KCTD8: variants seen among roughly 807,000 people sequenced by gnomAD.
The protein encoded by KCTD8 is BTB/POZ domain-containing protein KCTD8.
A neutral mutation model predicts 31.5 loss-of-function variants in KCTD8; 27 were observed. The observed-to-expected ratio is 0.86, with a 90% confidence interval of 0.63 to 1.18. The LOEUF is 1.18. Among genes scored for constraint, KCTD8 ranks in the 50% most tolerant of loss-of-function variants. KCTD8 has a pLI of 0.00. For synonymous variants in KCTD8, 290 were observed against 280.0 expected (o/e 1.04, Z -0.36); for missense variants, 658 against 647.7 (o/e 1.02, Z -0.17).
At chr4:44,416,679 G>C (rs1211461656) in intron 1 of KCTD8, among the ~76,000 whole-genome samples, 2 of 152,064 alleles carry the variant, frequency 1.3e-5, no homozygotes, top group Non-Finnish European at 2.9e-5. Flanking sequence ...CACAACATTA[G>C]CTCCTCCTTC....
At chr4:44,343,910 G>A (rs555282592) in intron 1 of KCTD8, among the ~76,000 whole-genome samples, 9 of 152,164 alleles carry the variant, frequency 5.9e-5, no homozygotes, top group Admixed American at 2.0e-4. Context: ...CTAGGCTGGA[G>A]TGCAGTGGCC....
chr4:44,239,140 T>C (rs1258457387), intron 1 of KCTD8, among the ~76,000 whole-genome samples: 1 of 152,200 alleles, frequency 6.6e-6, no homozygotes, highest in Non-Finnish European at 1.5e-5. Flanking sequence ...ACATAAAATA[T>C]AATGTGGTCT....
rs1721980839 is a variant in KCTD8 at position 44,447,765 on chromosome 4, G to A, written c.759C>T (p.Asn253=). 3.1e-6 allele frequency: 5 copies of A among 1,611,534 alleles called. No homozygotes were observed. The highest frequency in any genetic ancestry group is 1.1e-5 in the South Asian group (1 of 90,516). Residue 253 remains asparagine, a synonymous_variant, in exon 1 of 2, where the codon AAC becomes AAT. Transcript: ENST00000360029. ...LAKEVFGDTL[N]ESRDPDRQPE... Reference sequence around the variant, plus strand: ...GCTGCCGGTCGGGGTCGCGGCTCTCGTTGAGCGTGTCCCCGAAGACCTCCT... The same window carrying A: ...GCTGCCGGTCGGGGTCGCGGCTCTCATTGAGCGTGTCCCCGAAGACCTCCT...
chr4:44,349,071 GCCACCACCA>G (rs200999276), intron 1 of KCTD8, among the ~76,000 whole-genome samples: 2 of 136,702 alleles, frequency 1.5e-5, no homozygotes, highest in South Asian at 2.3e-4. Context: ...CGCTGCCACC[GCCACCACCA>G]CCACCACCAC....
At position 44,182,063 on chromosome 4, in the gene KCTD8, C is replaced by A. The variant is rs539913198; in HGVS notation, c.962-6813G>T. ...GAGGAGCCCCTCTGCCTGGCAGCCA[C>A]CCCGTCTGAGAAGTGAGGAGCCCCT... On this transcript the variant is annotated intron_variant, in intron 1 of 1. Transcript: ENST00000360029. Among the ~76,000 whole-genome samples the A allele has an allele frequency of 5.2e-3, 792 of 152,146 alleles. 1 individual carries two copies. Among genetic ancestry groups the A allele is most frequent in the African/African-American group, 0.019 (778 of 41,540 alleles).
At chr4:44,196,857 G>A (rs954736463) in intron 1 of KCTD8, among the ~76,000 whole-genome samples, 1 of 152,182 alleles carries the variant, frequency 6.6e-6, no homozygotes, top group African/African-American at 2.4e-5. Flanking sequence ...GAATCCCACA[G>A]GTCTGGATCC....
chr4:44,195,776 G>A (rs1056138420), intron 1 of KCTD8, among the ~76,000 whole-genome samples: 1 of 152,132 alleles, frequency 6.6e-6, no homozygotes, highest in Non-Finnish European at 1.5e-5. Context: ...TATTACAACA[G>A]GGGAGGTAAG....
intron 1 of KCTD8, among the ~76,000 whole-genome samples, chr4:44,302,978 A>G (rs1480601864): frequency 2.6e-5 from 4 of 152,136 alleles, no homozygotes; most frequent in Admixed American, 2.6e-4. Flanking sequence ...TGAGATAATC[A>G]TGTGGTTTTT....
Position 44,448,699 on chromosome 4 carries a change from C to G in KCTD8, c.-176G>C, listed in dbSNP as rs1432309638. ...GGGCAGCGGCGGCGTCGGCGGCGCCCGAGCTCCATCGGAGGAGAGACGCGC... is the reference window on the plus strand; with the variant it reads ...GGGCAGCGGCGGCGTCGGCGGCGCCGGAGCTCCATCGGAGGAGAGACGCGC... On this transcript the variant is annotated 5_prime_UTR_variant, in exon 1 of 2. Coordinates refer to ENST00000360029, the MANE Select transcript of KCTD8 (RefSeq NM_198353.3). The surrounding 1 kb of genome is among the most constrained non-coding windows in gnomAD (Gnocchi z 4.1). The G allele has an allele frequency of 7.4e-6, 4 of 539,632 alleles. No homozygotes were observed. The East Asian group carries it at 1.4e-4, about 19-fold the overall frequency. The allele number at this position is 539,632 out of a possible 1,614,324, so 33.4% of individuals were successfully genotyped here. A position where few individuals can be genotyped will look rare whatever the true frequency, so the allele number is the denominator to read the frequency against.
At chr4:44,217,768 T>C (rs1714690971) in intron 1 of KCTD8, among the ~76,000 whole-genome samples, 1 of 152,030 alleles carries the variant, frequency 6.6e-6, no homozygotes, top group African/African-American at 2.4e-5. Flanking sequence ...CCCTTGGACA[T>C]GGGACTCCAG....
At chr4:44,347,673 GA>G (rs1264335008) in intron 1 of KCTD8, among the ~76,000 whole-genome samples, 2 of 152,046 alleles carry the variant, frequency 1.3e-5, no homozygotes, top group Non-Finnish European at 1.5e-5. Context: ...TAACTAATGA[GA>G]AAATTATATT....
chr4:44,349,316 G>A (rs1488587100), intron 1 of KCTD8, among the ~76,000 whole-genome samples: 1 of 152,142 alleles, frequency 6.6e-6, no homozygotes, highest in Non-Finnish European at 1.5e-5. Flanking sequence ...AATGTTTAAG[G>A]AAGGGAGTAT....
chr4:44,376,633 AG>A (rs1202097897), intron 1 of KCTD8, among the ~76,000 whole-genome samples: 1 of 152,332 alleles, frequency 6.6e-6, no homozygotes, highest in East Asian at 1.9e-4. Context: ...GCTATGTGCC[AG>A]GCAATGGGAA....
intron 1 of KCTD8, among the ~76,000 whole-genome samples, chr4:44,243,638 G>A (rs1183163527): frequency 6.6e-6 from 1 of 152,140 alleles, no homozygotes. Flanking sequence ...CATTTCATGG[G>A]ATGAAACAAA....
intron 1 of KCTD8, among the ~76,000 whole-genome samples, chr4:44,365,834 C>T (rs1381237352): frequency 1.3e-5 from 2 of 152,034 alleles, no homozygotes; most frequent in African/African-American, 2.4e-5. Context: ...ACATTCAAGT[C>T]TTGTATAATT....
chr4:44,385,845 T>C (rs1720198467), intron 1 of KCTD8, among the ~76,000 whole-genome samples: 1 of 151,524 alleles, frequency 6.6e-6, no homozygotes, highest in South Asian at 2.1e-4. Context: ...AAAGAACTCC[T>C]ACAACTAAAC....
chr4:44,196,327 A>C (rs947638939), intron 1 of KCTD8, among the ~76,000 whole-genome samples: 1 of 152,256 alleles, frequency 6.6e-6, no homozygotes, highest in Non-Finnish European at 1.5e-5. Context: ...GAAGTAGAAT[A>C]CAAATAAAAT....
intron 1 of KCTD8, among the ~76,000 whole-genome samples, chr4:44,253,833 G>T (rs913448938): frequency 6.6e-6 from 1 of 151,850 alleles, no homozygotes; most frequent in Non-Finnish European, 1.5e-5. Flanking sequence ...TAGAATTTTT[G>T]TTACATAGCA....
chr4:44,250,294 T>C (rs1298247612), intron 1 of KCTD8, among the ~76,000 whole-genome samples: 3 of 151,738 alleles, frequency 2.0e-5, no homozygotes, highest in Non-Finnish European at 4.4e-5. Flanking sequence ...CCATATATGG[T>C]GTTATCTGAG....
Sources: allele counts gnomAD v4.1 joint callset (sites outside exome capture counted in the v4.1 genomes callset), GRCh38; gene constraint gnomAD v4.1.1; non-coding constraint Gnocchi (gnomAD v3.1); transcripts MANE v1.5; gene names NCBI Gene and HGNC (gene_info 2026-07-23, HGNC 2026-07-21).